ARFGEF3: variants seen among roughly 807,000 people sequenced by gnomAD.
The protein encoded by ARFGEF3 is ARFGEF family member 3, also known as brefeldin A-inhibited guanine nucleotide-exchange protein 3.
A neutral mutation model predicts 221.7 loss-of-function variants in ARFGEF3; 96 were observed. That is an observed-to-expected ratio of 0.43 (90% CI 0.37 to 0.51). The LOEUF is 0.51. Ranked by LOEUF, ARFGEF3 falls within the 20% of genes least tolerant of loss-of-function variation. The pLI, the probability that ARFGEF3 is intolerant of heterozygous loss-of-function variation, is 0.00. For missense variants in ARFGEF3, 2,410 were observed against 2,789.9 expected, an observed-to-expected ratio of 0.86 and a Z score of 3.07; for synonymous variants, 1,145 against 1,126.8, an observed-to-expected ratio of 1.02 and a Z score of -0.32.
chr6:138,315,306 T>C (rs529224265), intron 26 of ARFGEF3, among the ~76,000 whole-genome samples: 1 of 152,286 alleles, frequency 6.6e-6, no homozygotes, highest in East Asian at 1.9e-4. Flanking sequence ...CTAGTAACTG[T>C]GGATCATTTT....
chr6:138,254,058 T>A, intron 9 of ARFGEF3, 74 bp downstream of exon 9: 1 of 990,434 alleles, frequency 1.0e-6, no homozygotes, highest in South Asian at 1.7e-5. Flanking sequence ...TCTGGGTCCC[T>A]CTCCATGAAG....
rs772974675 is a variant in ARFGEF3, at chr6:138,170,692, A to G, written c.116A>G (p.Lys39Arg). The change falls in exon 2 of 34, where the codon AAG (lysine) becomes AGG (arginine). Residue 39 changes from lysine to arginine, a missense_variant. Lys to Arg is a conservative substitution (Grantham distance 26). This residue lies in a region of ARFGEF3 where 570 missense variants were observed against 586.9 expected (regional missense o/e 0.97). Transcript: ENST00000251691. The stretch of plus-strand genomic sequence containing the variant: ...CTAGGTGGTCTGGATACCATTGTCA[A>G]GATCCCTCCACATGTACTGAGGTAG... ...ETLGGLDTIVKIPPHVLREKC... is the reference protein window; with the variant it reads ...ETLGGLDTIVRIPPHVLREKC... 8 of 1,589,066 alleles carry G rather than the reference A, an allele frequency of 5.0e-6. No individual in the cohort carries two copies. The African/African-American group carries it at 1.1e-4, about 21-fold the overall frequency.
In ARFGEF3 at chr6:138,292,039, C is replaced by T; in HGVS notation, c.3354C>T (p.Ser1118=). The part of the protein sequence containing the change: ...SSAAKVVLTL[S]TQADRLFEDA... The stretch of plus-strand genomic sequence containing the variant: ...CGGCCAAGGTGGTGCTCACCCTCTC[C>T]ACGCAAGCCGACAGGTGCGCGGCGC... The change falls in exon 19 of 34, where the codon TCC becomes TCT. Residue 1118 remains serine, a synonymous_variant. Transcript: ENST00000251691. 1 of 1,455,272 alleles carries T rather than the reference C, an allele frequency of 6.9e-7. No individual in the cohort carries two copies. The allele number at this position is 1,455,272 out of a possible 1,614,324, so 90.1% of individuals were successfully genotyped here.
chr6:138,233,461 A>G (rs1291903448), intron 5 of ARFGEF3, among the ~76,000 whole-genome samples: 1 of 151,942 alleles, frequency 6.6e-6, no homozygotes, highest in South Asian at 2.1e-4. Context: ...ACTGCAACCT[A>G]CGCCTCCTGG....
At chr6:138,335,921 CTT>C (rs1007326059) in intron 33 of ARFGEF3, among the ~76,000 whole-genome samples, 2 of 152,072 alleles carry the variant, frequency 1.3e-5, no homozygotes, top group African/African-American at 4.8e-5. Flanking sequence ...TTCAGGGAGG[CTT>C]TGAGTGTAAT....
intron 12 of ARFGEF3, among the ~76,000 whole-genome samples, chr6:138,272,387 C>T (rs561673145): frequency 2.0e-5 from 3 of 152,296 alleles, no homozygotes; most frequent in African/African-American, 4.8e-5. Flanking sequence ...GAACTCCTGA[C>T]ATCAGGTAAT....
intron 2 of ARFGEF3, among the ~76,000 whole-genome samples, chr6:138,182,547 A>C (rs1460048927): frequency 6.6e-6 from 1 of 152,206 alleles, no homozygotes; most frequent in Non-Finnish European, 1.5e-5. Context: ...GAATTATTAG[A>C]GCTATTAAGA....
intron 11 of ARFGEF3, among the ~76,000 whole-genome samples, chr6:138,262,184 C>T (rs1310559853): frequency 6.7e-6 from 1 of 149,724 alleles, no homozygotes; most frequent in African/African-American, 2.5e-5. Context: ...TCAATGCAGA[C>T]CACTTTTTTT....
intron 2 of ARFGEF3, among the ~76,000 whole-genome samples, chr6:138,187,924 A>G (rs1169105732): frequency 6.6e-6 from 1 of 152,090 alleles, no homozygotes; most frequent in Non-Finnish European, 1.5e-5. Flanking sequence ...TCCCAATTAT[A>G]CTAGGATAGG....
Position 138,296,887 on chromosome 6 carries a change from C to G in ARFGEF3, c.3580C>G (p.Arg1194Gly). ...GGGGAATGCCATGCTGAGGATTGTG[C>G]GGAGCAAAGCACGGCCCCTGCTCCA... ...RLGNAMLRIV[R>G]SKARPLLHVM... is the part of the protein sequence containing the mutation. The change falls in exon 21 of 34, where the codon CGG (arginine) becomes GGG (glycine). Residue 1194 changes from arginine to glycine, a missense_variant. Arg to Gly is a moderately radical substitution (Grantham distance 125). This residue lies in a region of ARFGEF3 where 723 missense variants were observed against 991.9 expected (regional missense o/e 0.73). Transcript: ENST00000251691. 1 of 1,613,984 alleles carries G rather than the reference C, an allele frequency of 6.2e-7. No individual in the cohort carries two copies. The highest frequency in any genetic ancestry group is 1.1e-5 in the South Asian group (1 of 91,082).
intron 32 of ARFGEF3, among the ~76,000 whole-genome samples, chr6:138,333,664 G>A (rs569814145): frequency 5.3e-5 from 8 of 152,194 alleles, no homozygotes; most frequent in Admixed American, 2.0e-4. Flanking sequence ...GGATGGTCTC[G>A]ATCTCCTGAC....
chr6:138,256,144 A>G (rs1361353791), intron 10 of ARFGEF3, among the ~76,000 whole-genome samples: 3 of 152,156 alleles, frequency 2.0e-5, no homozygotes, highest in African/African-American at 7.2e-5. Flanking sequence ...TTTTATACTC[A>G]GGTTGCACAT....
intron 12 of ARFGEF3, among the ~76,000 whole-genome samples, chr6:138,270,722 G>T (rs1778989041): frequency 6.6e-6 from 1 of 152,218 alleles, no homozygotes; most frequent in Non-Finnish European, 1.5e-5. Context: ...GAAAGATTCT[G>T]GTCAGAGTGG....
Position 138,280,167 on chromosome 6 carries a change from C to A in ARFGEF3, c.2461+3C>A. ...TCCCCTCATCACAATGCTGACCGGT[C>A]AGTGGTTCGTTGCAAGGCCTTGGGG... On this transcript the variant is annotated splice_donor_region_variant and intron_variant, in intron 14 of 33. Transcript: ENST00000251691. 1 of 1,613,282 alleles carries A rather than the reference C, an allele frequency of 6.2e-7. No individual in the cohort carries two copies. The highest frequency in any genetic ancestry group is 1.1e-5 in the South Asian group (1 of 90,926).
chr6:138,188,317 G>T (rs186133283), intron 2 of ARFGEF3, among the ~76,000 whole-genome samples: 1 of 152,094 alleles, frequency 6.6e-6, no homozygotes, highest in South Asian at 2.1e-4. Context: ...CCCCCCCTCC[G>T]GTAATGAGGA....
Position 138,238,497 on chromosome 6 carries a change from T to C in ARFGEF3, c.421-12T>C, listed in dbSNP as rs750797885. 4 of 1,611,530 alleles carry C rather than the reference T, an allele frequency of 2.5e-6. No homozygotes were observed. In the East Asian group the frequency reaches 8.9e-5, roughly 36 times the overall value. On this transcript the variant is annotated splice_polypyrimidine_tract_variant and intron_variant, in intron 5 of 33. Transcript: ENST00000251691. ...TGCAGACATGTGTGTTGCTGTCTTA[T>C]TTCTTTAACAGGTGTGCATTGAGAC...
chr6:138,232,565 G>A (rs919580163), intron 5 of ARFGEF3, among the ~76,000 whole-genome samples: 1 of 152,190 alleles, frequency 6.6e-6, no homozygotes, highest in African/African-American at 2.4e-5. Context: ...TTGACTTATG[G>A]AAACTTCCAG....
rs756581840 is a variant in ARFGEF3 at position 138,334,453 on chromosome 6, C to G, written c.5607C>G (p.Val1869=). 8 of 1,611,362 alleles carry G rather than the reference C, an allele frequency of 5.0e-6. No homozygotes were observed. In the Admixed American group the frequency reaches 1.3e-4, roughly 27 times the overall value. Residue 1869 remains valine, a synonymous_variant, in exon 33 of 34, where the codon GTC becomes GTG. Transcript: ENST00000251691. The surrounding 1 kb of genome is among the most constrained non-coding windows in gnomAD (Gnocchi z 5.1). ...DEDIFEETAQ[V]SPPRGKEKRQ... ...ACATCTTTGAGGAAACCGCCCAGGTCAGCCCCCCGAGAGGCAAGGAGAAGA... is the reference window on the plus strand; with the variant it reads ...ACATCTTTGAGGAAACCGCCCAGGTGAGCCCCCCGAGAGGCAAGGAGAAGA...
At chr6:138,312,291 C>A (rs1490746728) in intron 25 of ARFGEF3, among the ~76,000 whole-genome samples, 2 of 152,148 alleles carry the variant, frequency 1.3e-5, no homozygotes, top group Non-Finnish European at 2.9e-5. Context: ...GCTTCAGTGA[C>A]ACCCCTCTCT....
Sources: gnomAD v4.1 joint callset for allele counts (sites outside exome capture counted in the v4.1 genomes callset) on GRCh38, gnomAD v4.1.1 for gene constraint, gnomAD v4.1.1 regional missense constraint, Gnocchi (gnomAD v3.1) non-coding constraint, MANE v1.5 for transcripts, NCBI Gene and HGNC (gene_info 2026-07-23, HGNC 2026-07-21) for gene names.